RALA: variants seen among roughly 807,000 people sequenced by gnomAD.
RALA encodes the protein RAS like proto-oncogene A, also known as ras-related protein Ral-A.
A neutral mutation model predicts 24.0 loss-of-function variants in RALA; 5 were observed. The ratio of observed to expected loss-of-function variants is 0.21; its 90% CI spans 0.11 to 0.44. RALA has a LOEUF of 0.44. RALA is among the 20% of genes least tolerant of loss of function. RALA has a pLI of 0.99. For synonymous variants in RALA, 77 were observed against 83.8 expected, an observed-to-expected ratio of 0.92 and a Z score of 0.44; for missense variants, 95 against 241.2, an observed-to-expected ratio of 0.39 and a Z score of 4.01.
intron 1 of RALA, among the ~76,000 whole-genome samples, chr7:39,633,742 C>T (rs1791638598): frequency 6.6e-6 from 1 of 152,116 alleles, no homozygotes; most frequent in Admixed American, 6.5e-5. Context: ...GGCTTTGAGG[C>T]AGTTCTTTCT....
chr7:39,651,181 G>A (rs1792013688), intron 1 of RALA, among the ~76,000 whole-genome samples: 1 of 152,210 alleles, frequency 6.6e-6, no homozygotes, highest in South Asian at 2.1e-4. Flanking sequence ...CTTTGTGTTA[G>A]TTGATTTTGC....
chr7:39,663,331 A>G (rs546477025), intron 1 of RALA, among the ~76,000 whole-genome samples: 4 of 152,312 alleles, frequency 2.6e-5, no homozygotes, highest in Admixed American at 1.3e-4. Flanking sequence ...TCCTGTTGCT[A>G]TTGTTGAGCT....
rs1246761153 is a variant in RALA, at chr7:39,623,632, GTCCTCCTCCTCCTTCTCCTCCTCCTCC to G, written c.-218_-192del. 87 of 154,162 alleles carry G rather than the reference GTCCTCCTCCTCCTTCTCCTCCTCCTCC, an allele frequency of 5.6e-4. No homozygotes were observed. The highest frequency in any genetic ancestry group is 2.0e-3 in the African/African-American group (83 of 41,536). The allele number at this position is 154,162 out of a possible 1,614,324, so 9.5% of individuals were successfully genotyped here. ...GATCTCCCCAGAGCAAAGCGTCGGA[GTCCTCCTCCTCCTTCTCCTCCTCCTCC>G]TCCTCCTCCTCCAGCCGCCCAGGCT... On this transcript the variant is annotated 5_prime_UTR_variant, in exon 1 of 5. Coordinates refer to ENST00000005257, the MANE Select transcript of RALA (RefSeq NM_005402.4). The surrounding 1 kb of genome is among the most constrained non-coding windows in gnomAD (Gnocchi z 4.9).
intron 4 of RALA, among the ~76,000 whole-genome samples, chr7:39,705,478 C>A (rs1004331230): frequency 2.6e-5 from 4 of 152,070 alleles, no homozygotes; most frequent in African/African-American, 9.7e-5. Flanking sequence ...AGAGGAATTT[C>A]TTATTGAAAT....
chr7:39,702,075 G>T lies in RALA; in HGVS notation c.499-4048G>T, dbSNP rs375365441. ...CAAGAGAATCAGTTTTATGTCGAGG[G>T]AAGAATTTTGGTAGAAATACACTGT... On this transcript the variant is annotated intron_variant, in intron 4 of 4. Transcript: ENST00000005257. Among the ~76,000 whole-genome samples the T allele has an allele frequency of 1.5e-3, 235 of 152,278 alleles. 1 individual carries two copies. The highest frequency in any genetic ancestry group is 5.3e-3 in the African/African-American group (221 of 41,542).
At chr7:39,694,556 G>T (rs948460518) in intron 3 of RALA, among the ~76,000 whole-genome samples, 5 of 152,164 alleles carry the variant, frequency 3.3e-5, no homozygotes, top group African/African-American at 9.7e-5. Flanking sequence ...TAACTTCATA[G>T]GTTTAGGTAA....
At chr7:39,637,986 C>T (rs932106501) in intron 1 of RALA, among the ~76,000 whole-genome samples, 5 of 152,204 alleles carry the variant, frequency 3.3e-5, no homozygotes, top group Non-Finnish European at 7.3e-5. Context: ...ACTATTGTAA[C>T]ACCTAAGAAA....
intron 1 of RALA, among the ~76,000 whole-genome samples, chr7:39,624,790 T>C (rs1333931802): frequency 2.0e-5 from 3 of 152,210 alleles, no homozygotes; most frequent in African/African-American, 7.2e-5. Flanking sequence ...TTATAAAACA[T>C]GTATCATAAG....
intron 1 of RALA, among the ~76,000 whole-genome samples, chr7:39,685,708 CAAGA>C (rs1792687390): frequency 6.6e-6 from 1 of 151,474 alleles, no homozygotes; most frequent in Admixed American, 6.6e-5. Flanking sequence ...CCAGCCATCC[CAAGA>C]AACAGATGTT....
At chr7:39,685,131 T>C (rs1326394354) in intron 1 of RALA, among the ~76,000 whole-genome samples, 2 of 152,160 alleles carry the variant, frequency 1.3e-5, no homozygotes, top group African/African-American at 4.8e-5. Flanking sequence ...ATAAGGATTA[T>C]GAAGGAAAAG....
At chr7:39,703,268 TAG>T (rs1793060151) in intron 4 of RALA, 1 of 152,210 alleles carries the variant, frequency 6.6e-6, no homozygotes, top group Non-Finnish European at 1.5e-5. Context: ...CCTAGCTAGT[TAG>T]CCAGAGACTT....
At chr7:39,664,986 A>C (rs961779192) in intron 1 of RALA, among the ~76,000 whole-genome samples, 2 of 152,248 alleles carry the variant, frequency 1.3e-5, no homozygotes, top group African/African-American at 4.8e-5. Context: ...CTTCGTTTAC[A>C]ACATAGACTC....
chr7:39,639,420 T>TTAAAAAA (rs1036716826), intron 1 of RALA, among the ~76,000 whole-genome samples: 33 of 152,182 alleles, frequency 2.2e-4, no homozygotes, highest in African/African-American at 7.5e-4. Context: ...GAAATGGCGG[T>TTAAAAAA]GATGTGCGCA....
intron 1 of RALA, among the ~76,000 whole-genome samples, chr7:39,662,109 A>G (rs1173040804): frequency 9.2e-5 from 14 of 152,090 alleles, no homozygotes; most frequent in Non-Finnish European, 2.9e-5. Context: ...TAGGGCACCA[A>G]GTCCCTAGGC....
intron 1 of RALA, among the ~76,000 whole-genome samples, chr7:39,635,431 A>G (rs1485529176): frequency 1.3e-5 from 2 of 152,110 alleles, no homozygotes; most frequent in African/African-American, 4.8e-5. Flanking sequence ...TGCAATTATC[A>G]CCAATATCTA....
Position 39,700,809 on chromosome 7 carries a change from C to G in RALA, c.498+3950C>G, listed in dbSNP as rs114884260. 377 of 152,288 alleles carry G rather than the reference C, an allele frequency of 2.5e-3. 1 individual carries two copies. Among genetic ancestry groups the G allele is most frequent in the African/African-American group, 8.8e-3 (367 of 41,552 alleles). 9.4% of individuals were successfully genotyped at this position (152,288 alleles called of 1,614,324 possible). Reference sequence around the variant, plus strand: ...GCTGCTTGTAAAGTGAGGTGCAAATCCATACTGAAGACTATAATTTCATGT... The same window carrying G: ...GCTGCTTGTAAAGTGAGGTGCAAATGCATACTGAAGACTATAATTTCATGT... On this transcript the variant is annotated intron_variant, in intron 4 of 4. Coordinates refer to ENST00000005257, the MANE Select transcript of RALA (RefSeq NM_005402.4).
chr7:39,684,794 G>A (rs1196974799), intron 1 of RALA, among the ~76,000 whole-genome samples: 3 of 151,846 alleles, frequency 2.0e-5, no homozygotes, highest in Non-Finnish European at 2.9e-5. Flanking sequence ...TCAAAGGGCC[G>A]CATGTGGCCC....
intron 1 of RALA, among the ~76,000 whole-genome samples, chr7:39,655,704 C>T (rs1792084632): frequency 6.6e-6 from 1 of 152,032 alleles, no homozygotes; most frequent in Non-Finnish European, 1.5e-5. Flanking sequence ...AGTATATCTT[C>T]TGTTTCTTTG....
intron 4 of RALA, among the ~76,000 whole-genome samples, chr7:39,703,466 T>C (rs1411043266): frequency 1.3e-5 from 2 of 152,224 alleles, no homozygotes; most frequent in Non-Finnish European, 2.9e-5. Context: ...CTATGTCCGT[T>C]TGACTCAGCC....
Sources: allele counts gnomAD v4.1 joint callset (sites outside exome capture counted in the v4.1 genomes callset), GRCh38; gene constraint gnomAD v4.1.1; non-coding constraint Gnocchi (gnomAD v3.1); transcripts MANE v1.5; gene names NCBI Gene and HGNC (gene_info 2026-07-23, HGNC 2026-07-21).